PCDH9: variants seen among roughly 807,000 people sequenced by gnomAD.
The protein encoded by PCDH9 is protocadherin 9.
In PCDH9, 24 loss-of-function variants were observed where a neutral mutation model predicts 70.6. That is an observed-to-expected ratio of 0.34 (90% CI 0.25 to 0.48). The LOEUF is 0.48. Among genes scored for constraint, PCDH9 ranks in the 20% least tolerant of loss-of-function variants. PCDH9 has a pLI of 0.99. For missense variants in PCDH9, 1,281 were observed against 1,503.6 expected (o/e 0.85, Z 2.45); for synonymous variants, 562 against 558.5 (o/e 1.01, Z -0.09).
At chr13:66,361,759 C>T (rs1199065957) in intron 4 of PCDH9, among the ~76,000 whole-genome samples, 1 of 152,044 alleles carries the variant, frequency 6.6e-6, no homozygotes, top group African/African-American at 2.4e-5. Flanking sequence ...CAAAGCATTG[C>T]ATTTTTCAAA....
At chr13:66,413,075 G>A (rs886370857) in intron 4 of PCDH9, among the ~76,000 whole-genome samples, 1 of 152,092 alleles carries the variant, frequency 6.6e-6, no homozygotes, top group African/African-American at 2.4e-5. Context: ...ACACCTACAC[G>A]TTTGACTTAA....
chr13:66,691,653 A>C (rs1282365887), intron 3 of PCDH9, among the ~76,000 whole-genome samples: 4 of 152,182 alleles, frequency 2.6e-5, no homozygotes, highest in African/African-American at 7.2e-5. Context: ...AAGAAAAATA[A>C]ACTTAATCAT....
chr13:66,791,369 A>G (rs1450070213), intron 3 of PCDH9, among the ~76,000 whole-genome samples: 1 of 152,090 alleles, frequency 6.6e-6, no homozygotes, highest in Admixed American at 6.6e-5. Context: ...GGAATTCATT[A>G]TTATGCTATG....
At chr13:67,088,668 G>C (rs1381366285) in intron 2 of PCDH9, among the ~76,000 whole-genome samples, 2 of 152,032 alleles carry the variant, frequency 1.3e-5, no homozygotes, top group Non-Finnish European at 2.9e-5. Context: ...TATTGACCAG[G>C]GAAAACGTGT....
intron 2 of PCDH9, among the ~76,000 whole-genome samples, chr13:66,905,470 A>G (rs2082345428): frequency 1.3e-5 from 2 of 152,136 alleles, no homozygotes; most frequent in Admixed American, 1.3e-4. Context: ...ATTGAAGCTC[A>G]GACATAAATA....
At chr13:66,613,480 G>T (rs914874106) in intron 4 of PCDH9, among the ~76,000 whole-genome samples, 14 of 151,686 alleles carry the variant, frequency 9.2e-5, no homozygotes, top group African/African-American at 3.4e-4. Context: ...TTAATTGTGA[G>T]AAAGGATTTG....
At chr13:66,729,035 A>T (rs1034444058) in intron 3 of PCDH9, among the ~76,000 whole-genome samples, 4 of 152,044 alleles carry the variant, frequency 2.6e-5, no homozygotes, top group African/African-American at 9.7e-5. Context: ...CAGTCTAGAT[A>T]GCTGTTCTGA....
rs560784756 is a variant in PCDH9, at chr13:66,348,497, A to C, written c.3341-43469T>G. 9.2e-5 allele frequency among the ~76,000 whole-genome samples: 14 copies of C among 152,080 alleles called. No homozygotes were observed. In the South Asian group the frequency reaches 2.7e-3, roughly 29 times the overall value. ...ACTGCAACTTCCACTTCCGGGATTC[A>C]AGCGATTCTCCTGCCTCAGCCTCCT... On this transcript the variant is annotated intron_variant, in intron 4 of 4. Transcript: ENST00000377865.
At chr13:66,374,508 C>A (rs144356032) in intron 4 of PCDH9, among the ~76,000 whole-genome samples, 1 of 151,726 alleles carries the variant, frequency 6.6e-6, no homozygotes, top group Non-Finnish European at 1.5e-5. Context: ...GTACTCTACA[C>A]GTTATTTAAT....
intron 3 of PCDH9, among the ~76,000 whole-genome samples, chr13:66,752,231 G>A (rs150963935): frequency 6.6e-6 from 1 of 152,190 alleles, no homozygotes; most frequent in Non-Finnish European, 1.5e-5. Context: ...GAATTAAGCA[G>A]TGTCTAGTAT....
chr13:67,150,565 C>A (rs190692774), intron 2 of PCDH9, among the ~76,000 whole-genome samples: 5 of 152,116 alleles, frequency 3.3e-5, no homozygotes, highest in South Asian at 4.1e-4. Context: ...TCATTCAATC[C>A]GTTGGTTTTG....
At chr13:66,986,874 C>T (rs1054993448) in intron 2 of PCDH9, among the ~76,000 whole-genome samples, 1 of 151,412 alleles carries the variant, frequency 6.6e-6, no homozygotes, top group South Asian at 2.1e-4. Context: ...AAATGAACCA[C>T]AGAGAATAGA....
At chr13:66,493,501 GCAA>G (rs1306573759) in intron 4 of PCDH9, among the ~76,000 whole-genome samples, 1 of 152,088 alleles carries the variant, frequency 6.6e-6, no homozygotes, top group African/African-American at 2.4e-5. Context: ...TATATCTCAT[GCAA>G]CCACGGTAAT....
At chr13:66,481,142 C>T (rs951715155) in intron 4 of PCDH9, among the ~76,000 whole-genome samples, 6 of 151,658 alleles carry the variant, frequency 4.0e-5, no homozygotes, top group Non-Finnish European at 5.9e-5. Flanking sequence ...CATTACATAC[C>T]GGGGCCTGTC....
chr13:67,040,101 T>C (rs1380442613), intron 2 of PCDH9, among the ~76,000 whole-genome samples: 1 of 152,190 alleles, frequency 6.6e-6, no homozygotes, highest in Non-Finnish European at 1.5e-5. Flanking sequence ...TGTTTACAAA[T>C]ATAAACATAC....
intron 3 of PCDH9, among the ~76,000 whole-genome samples, chr13:66,818,072 G>A (rs1258863875): frequency 6.6e-6 from 1 of 152,146 alleles, no homozygotes; most frequent in East Asian, 1.9e-4. Flanking sequence ...TCCCCTCAAC[G>A]GACAGTTTTA....
chr13:67,118,567 T>C (rs557382166), intron 2 of PCDH9, among the ~76,000 whole-genome samples: 1 of 152,298 alleles, frequency 6.6e-6, no homozygotes, highest in South Asian at 2.1e-4. Flanking sequence ...GCTCCCAGCA[T>C]TTGTTCTTTG....
intron 4 of PCDH9, among the ~76,000 whole-genome samples, chr13:66,464,799 G>GT (rs1958488807): frequency 6.6e-6 from 1 of 151,894 alleles, no homozygotes; most frequent in South Asian, 2.1e-4. Flanking sequence ...AGAGATAAGT[G>GT]TAAGTATCTT....
chr13:66,935,895 A>G (rs984884069), intron 2 of PCDH9, among the ~76,000 whole-genome samples: 2 of 151,926 alleles, frequency 1.3e-5, no homozygotes, highest in Non-Finnish European at 2.9e-5. Flanking sequence ...CCTGGCCAAC[A>G]TGGTGAAACC....
Sources: allele counts gnomAD v4.1 joint callset (sites outside exome capture counted in the v4.1 genomes callset), GRCh38; gene constraint gnomAD v4.1.1; transcripts MANE v1.5; gene names NCBI Gene and HGNC (gene_info 2026-07-23, HGNC 2026-07-21).